BANK1: variants seen among roughly 807,000 people sequenced by gnomAD.
The protein encoded by BANK1 is B cell scaffold protein with ankyrin repeats 1.
A neutral mutation model predicts 94.5 loss-of-function variants in BANK1; 95 were observed. The observed-to-expected ratio is 1.00, with a 90% confidence interval of 0.85 to 1.19. BANK1 has a LOEUF of 1.19. BANK1 is among the 50% of genes most tolerant of loss of function. BANK1 has a pLI of 0.00. For synonymous variants in BANK1, 334 were observed against 308.4 expected, an observed-to-expected ratio of 1.08 and a Z score of -0.87; for missense variants, 987 against 932.2, an observed-to-expected ratio of 1.06 and a Z score of -0.77.
intron 6 of BANK1, among the ~76,000 whole-genome samples, chr4:101,895,849 G>T (rs1257429734): frequency 2.0e-5 from 3 of 151,710 alleles, no homozygotes; most frequent in African/African-American, 7.2e-5. Flanking sequence ...TGATGTTTTG[G>T]TGTATACTTA....
At chr4:101,987,704 C>A (rs1270031168) in intron 7 of BANK1, among the ~76,000 whole-genome samples, 2 of 152,116 alleles carry the variant, frequency 1.3e-5, no homozygotes, top group African/African-American at 2.4e-5. Flanking sequence ...GAGCAGAAAT[C>A]TTATTCTACC....
chr4:101,814,576 G>A (rs576007319), intron 1 of BANK1, among the ~76,000 whole-genome samples: 3 of 152,246 alleles, frequency 2.0e-5, no homozygotes, highest in East Asian at 3.9e-4. Flanking sequence ...CTCAAGAAAC[G>A]GACTGGAGTT....
chr4:102,013,823 A>G (rs1392753681), intron 7 of BANK1, among the ~76,000 whole-genome samples: 1 of 152,090 alleles, frequency 6.6e-6, no homozygotes. Flanking sequence ...CAATTTGGTC[A>G]TATTAAAAAA....
intron 7 of BANK1, among the ~76,000 whole-genome samples, chr4:101,978,868 T>TATTCA (rs1725229920): frequency 6.6e-6 from 1 of 152,074 alleles, no homozygotes. Flanking sequence ...TTTCAAAAAT[T>TATTCA]AAGATACTGT....
intron 6 of BANK1, among the ~76,000 whole-genome samples, chr4:101,895,644 A>G (rs922932837): frequency 6.6e-6 from 1 of 151,782 alleles, no homozygotes; most frequent in Non-Finnish European, 1.5e-5. Flanking sequence ...TAAAAAGCTT[A>G]CTTCTTGACT....
At chr4:101,906,481 G>A (rs1004911382) in intron 6 of BANK1, among the ~76,000 whole-genome samples, 1 of 152,176 alleles carries the variant, frequency 6.6e-6, no homozygotes, top group Admixed American at 6.5e-5. Flanking sequence ...TTTTTGCCCA[G>A]TGTCCTCTGG....
In BANK1 at chr4:101,945,979, C is replaced by A. The variant is rs78629433; in HGVS notation, c.1206+27790C>A. Among the ~76,000 whole-genome samples the A allele has an allele frequency of 4.2e-3, 644 of 152,018 alleles. 8 individuals carry two copies. Among genetic ancestry groups the A allele is most frequent in the African/African-American group, 0.015 (632 of 41,532 alleles). ...CGTTTATCCAGATATCATTGGGAAC[C>A]TGCTCCTTTAAAAGTAACACAGGAT... On this transcript the variant is annotated intron_variant, in intron 7 of 16. Coordinates refer to ENST00000322953, the MANE Select transcript of BANK1 (RefSeq NM_017935.5).
chr4:102,024,957 C>A (rs1272849334), intron 8 of BANK1, among the ~76,000 whole-genome samples: 2 of 152,146 alleles, frequency 1.3e-5, no homozygotes, highest in Admixed American at 6.5e-5. Flanking sequence ...TCGTTATCTG[C>A]ATGAGTGTGT....
chr4:101,991,113 C>T (rs1305672646), intron 7 of BANK1, among the ~76,000 whole-genome samples: 2 of 152,126 alleles, frequency 1.3e-5, no homozygotes, highest in African/African-American at 2.4e-5. Context: ...TGAAGGCTTA[C>T]AATAGTCATG....
At chr4:101,828,872 T>G (rs1726488821) in intron 1 of BANK1, among the ~76,000 whole-genome samples, 1 of 150,642 alleles carries the variant, frequency 6.6e-6, no homozygotes, top group East Asian at 1.9e-4. Flanking sequence ...TTTCTCTTCT[T>G]TTTTTTTTGA....
rs142703332 is a variant in BANK1, at chr4:102,029,585, T to C, written c.1595-375T>C. Among the ~76,000 whole-genome samples the C allele has an allele frequency of 8.1e-3, 1,197 of 148,100 alleles. 9 individuals are homozygous for C. The highest frequency in any genetic ancestry group is 0.028 in the African/African-American group (1,133 of 40,916). ...TAATTATATTTTATACATTAAATATTTATATATGAAATAATATATAAAAAT... is the reference window on the plus strand; with the variant it reads ...TAATTATATTTTATACATTAAATATCTATATATGAAATAATATATAAAAAT... On this transcript the variant is annotated intron_variant, in intron 9 of 16. Transcript: ENST00000322953.
chr4:101,895,524 T>G, intron 6 of BANK1, 114 bp downstream of exon 6: 1 of 616,878 alleles, frequency 1.6e-6, no homozygotes. Context: ...ATGAGATGAT[T>G]TAGACAACTC....
intron 5 of BANK1, among the ~76,000 whole-genome samples, chr4:101,879,116 A>C (rs1437725913): frequency 1.3e-5 from 2 of 152,152 alleles, no homozygotes; most frequent in African/African-American, 4.8e-5. Flanking sequence ...TCAGAGCAGA[A>C]ATAAATGAAA....
chr4:101,929,334 G>A (rs1723269439), intron 7 of BANK1, among the ~76,000 whole-genome samples: 1 of 151,496 alleles, frequency 6.6e-6, no homozygotes, highest in Non-Finnish European at 1.5e-5. Context: ...CAAATTATAT[G>A]TATGAAAGGC....
intron 7 of BANK1, among the ~76,000 whole-genome samples, chr4:101,927,612 T>C (rs1264360174): frequency 6.6e-6 from 1 of 151,582 alleles, no homozygotes; most frequent in African/African-American, 2.4e-5. Context: ...GTTTGAAATA[T>C]GCCATTGTTT....
At chr4:102,058,353 G>A (rs1728298615) in intron 11 of BANK1, among the ~76,000 whole-genome samples, 1 of 151,990 alleles carries the variant, frequency 6.6e-6, no homozygotes, top group African/African-American at 2.4e-5. Context: ...TTACCTTAAA[G>A]CTTTTACACT....
intron 1 of BANK1, among the ~76,000 whole-genome samples, chr4:101,812,064 T>G (rs1448889321): frequency 1.3e-5 from 2 of 152,034 alleles, no homozygotes; most frequent in African/African-American, 4.8e-5. Flanking sequence ...ATCAACATTA[T>G]AATACTTATG....
At chr4:102,053,167 G>A (rs766194108) in intron 11 of BANK1, among the ~76,000 whole-genome samples, 1 of 152,082 alleles carries the variant, frequency 6.6e-6, no homozygotes, top group Admixed American at 6.6e-5. Flanking sequence ...TACAACTCAA[G>A]TATGACAGGT....
intron 2 of BANK1, among the ~76,000 whole-genome samples, chr4:101,844,545 G>A (rs1227676204): frequency 6.6e-6 from 1 of 152,196 alleles, no homozygotes; most frequent in Non-Finnish European, 1.5e-5. Flanking sequence ...TCTGCCAAAG[G>A]TCTTTTACCC....
Sources: allele counts gnomAD v4.1 joint callset (sites outside exome capture counted in the v4.1 genomes callset), GRCh38; gene constraint gnomAD v4.1.1; transcripts MANE v1.5; gene names NCBI Gene and HGNC (gene_info 2026-07-23, HGNC 2026-07-21).